The following UGT1A10 variants were observed in gnomAD, a reference collection of about 807,000 sequenced individuals.
UGT1A10 encodes the protein UDP-glucuronosyltransferase 1A10.
Under a neutral mutation model 45.8 loss-of-function variants are expected in UGT1A10, and 49 were observed. The ratio of observed to expected loss-of-function variants is 1.07; its 90% confidence interval spans 0.85 to 1.36. The LOEUF is 1.36. UGT1A10 is among the 40% of genes most tolerant of loss of function. The pLI is 0.00. For missense variants in UGT1A10, 745 were observed against 668.6 expected (o/e 1.11, Z -1.26); for synonymous variants, 284 against 249.7 (o/e 1.14, Z -1.29).
intron 1 of UGT1A10, among the ~76,000 whole-genome samples, chr2:233,705,136 GAAAA>G (rs11336071): frequency 7.0e-6 from 1 of 142,642 alleles, no homozygotes; most frequent in African/African-American, 2.6e-5. Flanking sequence ...GACTTCGTCT[GAAAA>G]AAAAAAAAAG....
chr2:233,702,177 T>C (rs2075673724), intron 1 of UGT1A10, among the ~76,000 whole-genome samples: 1 of 152,186 alleles, frequency 6.6e-6, no homozygotes. Flanking sequence ...CTTCTTTCTC[T>C]CCTTCCTCCA....
In UGT1A10 at chr2:233,743,013, C is replaced by A. The variant is rs1054809; in HGVS notation, c.856-24021C>A. On this transcript the variant is annotated intron_variant, in intron 1 of 4. Transcript: ENST00000344644. ...CAAATTGCATACAGATATTTTACAA[C>A]GATTGAAAGACAAACAGAGGTCCTA... The A allele has an allele frequency of 1.1e-4, 27 of 235,930 alleles. 1 individual carries two copies. The highest frequency in any genetic ancestry group is 7.5e-4 in the South Asian group (13 of 17,240). 14.6% of individuals were successfully genotyped at this position (235,930 alleles called of 1,614,324 possible). A position where few individuals can be genotyped will look rare whatever the true frequency, so the allele number is the denominator to read the frequency against.
At chr2:233,672,519 A>G in intron 1 of UGT1A10, 1 of 1,613,930 alleles carries the variant, frequency 6.2e-7, no homozygotes, top group Non-Finnish European at 8.5e-7. Flanking sequence ...GAATTCTCTT[A>G]GGGTTCTCAG....
chr2:233,745,955 G>T (rs1353220886), intron 1 of UGT1A10, among the ~76,000 whole-genome samples: 1 of 151,634 alleles, frequency 6.6e-6, no homozygotes, highest in Non-Finnish European at 1.5e-5. Flanking sequence ...GGCAACTGGG[G>T]GACAGGGGCC....
At chr2:233,681,188 G>A (rs536294260) in intron 1 of UGT1A10, among the ~76,000 whole-genome samples, 18 of 151,912 alleles carry the variant, frequency 1.2e-4, no homozygotes, top group South Asian at 8.3e-4. Flanking sequence ...CTCTCTTTCC[G>A]TCGAACATGA....
chr2:233,665,180 T>A (rs1398972351), intron 1 of UGT1A10, among the ~76,000 whole-genome samples: 1 of 152,230 alleles, frequency 6.6e-6, no homozygotes, highest in Non-Finnish European at 1.5e-5. Context: ...TAGACATCTT[T>A]AGAGGCCAAT....
chr2:233,751,324 A>C (rs571504836), intron 1 of UGT1A10, among the ~76,000 whole-genome samples: 1 of 151,882 alleles, frequency 6.6e-6, no homozygotes, highest in East Asian at 1.9e-4. Context: ...CTGTACCCCC[A>C]TTGTGTCTTG....
chr2:233,772,682 G>A lies in UGT1A10; in HGVS notation c.*123G>A, dbSNP rs1700541485. The A allele has an allele frequency of 6.7e-7, 1 of 1,494,640 alleles. No individual in the cohort carries two copies. The allele number at this position is 1,494,640 out of a possible 1,614,324, so 92.6% of individuals were successfully genotyped here. On this transcript the variant is annotated 3_prime_UTR_variant, in exon 5 of 5. Coordinates refer to ENST00000344644, the MANE Select transcript of UGT1A10 (RefSeq NM_019075.4). ...GGAAATACTTTGCATAAATTAATCA[G>A]CCCCAGAGTGCTTTAAAAAATTCTC...
At chr2:233,750,325 T>C (rs1342214391) in intron 1 of UGT1A10, among the ~76,000 whole-genome samples, 1 of 151,898 alleles carries the variant, frequency 6.6e-6, no homozygotes, top group Non-Finnish European at 1.5e-5. Context: ...AACTTTGAAC[T>C]TCAGAGAGAT....
chr2:233,718,384 C>A (rs1299175522), intron 1 of UGT1A10, among the ~76,000 whole-genome samples: 1 of 152,166 alleles, frequency 6.6e-6, no homozygotes, highest in Non-Finnish European at 1.5e-5. Flanking sequence ...GAAAGAGTTT[C>A]AAGGGTTAGC....
At chr2:233,687,528 A>G (rs2074843359) in intron 1 of UGT1A10, among the ~76,000 whole-genome samples, 1 of 150,340 alleles carries the variant, frequency 6.7e-6, no homozygotes, top group African/African-American at 2.5e-5. Context: ...TGACTTGCCC[A>G]AGGTTATGCC....
chr2:233,770,096 C>T (rs1250263322), intron 4 of UGT1A10: 2 of 152,608 alleles, frequency 1.3e-5, no homozygotes, highest in African/African-American at 4.8e-5. Flanking sequence ...GTATAGATAA[C>T]TACTTGTAAC....
chr2:233,730,635 A>G (rs2078055173), intron 1 of UGT1A10, among the ~76,000 whole-genome samples: 1 of 152,172 alleles, frequency 6.6e-6, no homozygotes, highest in Admixed American at 6.5e-5. Context: ...GGTCTGGTGC[A>G]TGATGTGGGG....
intron 1 of UGT1A10, among the ~76,000 whole-genome samples, chr2:233,727,500 G>A (rs1156427094): frequency 6.6e-6 from 1 of 152,198 alleles, no homozygotes; most frequent in Non-Finnish European, 1.5e-5. Flanking sequence ...GAACATGGGA[G>A]CCCATGAATG....
intron 1 of UGT1A10, among the ~76,000 whole-genome samples, chr2:233,745,825 G>A (rs1307073963): frequency 2.0e-5 from 3 of 151,398 alleles, no homozygotes; most frequent in Non-Finnish European, 2.9e-5. Context: ...GCAAGGCAGA[G>A]GACTCTGAAT....
rs753813548 is a variant in UGT1A10 at position 233,693,325 on chromosome 2, T to C, written c.855+55948T>C. ...TTGCTGAGCGATCATTCCTAACTGC[T>C]CCTCAGACAGAGTACAGGAATAACA... On this transcript the variant is annotated intron_variant, in intron 1 of 4. Coordinates refer to ENST00000344644, the MANE Select transcript of UGT1A10 (RefSeq NM_019075.4). The C allele has an allele frequency of 6.8e-6, 11 of 1,614,210 alleles. No individual in the cohort carries two copies. In the East Asian group the frequency reaches 2.2e-4, roughly 33 times the overall value.
intron 1 of UGT1A10, among the ~76,000 whole-genome samples, chr2:233,763,257 T>A (rs187516962): frequency 6.6e-6 from 1 of 152,268 alleles, no homozygotes. Context: ...TAACCTGTTT[T>A]GTCTTGTTGC....
intron 1 of UGT1A10, among the ~76,000 whole-genome samples, chr2:233,665,239 T>G (rs1366943022): frequency 2.0e-5 from 3 of 152,244 alleles, no homozygotes; most frequent in Non-Finnish European, 4.4e-5. Context: ...AAGTCTTTAC[T>G]TTGGATTTAA....
At chr2:233,741,386 A>C (rs1288438490) in intron 1 of UGT1A10, 1 of 151,760 alleles carries the variant, frequency 6.6e-6, no homozygotes, top group Non-Finnish European at 1.5e-5. Flanking sequence ...CCTTTCTACC[A>C]CTTTGAAACT....
Sources: gnomAD v4.1 joint callset for allele counts (sites outside exome capture counted in the v4.1 genomes callset) on GRCh38, gnomAD v4.1.1 for gene constraint, MANE v1.5 for transcripts, NCBI Gene and HGNC (gene_info 2026-07-23, HGNC 2026-07-21) for gene names.